The following ADGRG6 variants were observed in gnomAD, a reference collection of about 807,000 sequenced individuals.
The protein encoded by ADGRG6 is G-protein coupled receptor 126.
In ADGRG6, 84 loss-of-function variants were observed where a neutral mutation model predicts 142.4. The observed-to-expected ratio is 0.59, with a 90% CI of 0.49 to 0.71. The LOEUF is 0.71. Ranked by LOEUF, ADGRG6 falls within the 30% of genes least tolerant of loss-of-function variation. The pLI is 0.00. For missense variants in ADGRG6, 1,367 were observed against 1,466.6 expected (o/e 0.93, Z 1.11); for synonymous variants, 521 against 520.5 (o/e 1.00, Z -0.01).
intron 7 of ADGRG6, among the ~76,000 whole-genome samples, chr6:142,390,968 G>A (rs1188406730): frequency 1.3e-5 from 2 of 151,172 alleles, no homozygotes; most frequent in Non-Finnish European, 3.0e-5. Context: ...AGAACTACAT[G>A]TTTTTTTTGT....
chr6:142,424,998 T>C (rs2115126596), intron 22 of ADGRG6, among the ~76,000 whole-genome samples: 1 of 152,220 alleles, frequency 6.6e-6, no homozygotes, highest in African/African-American at 2.4e-5. Context: ...TGCAAAAAAT[T>C]TGCTATAGTT....
At chr6:142,314,041 G>T (rs1257270380) in intron 2 of ADGRG6, among the ~76,000 whole-genome samples, 5 of 152,294 alleles carry the variant, frequency 3.3e-5, no homozygotes, top group Middle Eastern at 3.4e-3. Context: ...ACTGTCTGAA[G>T]CTTTCAGCTA....
At chr6:142,422,298 A>G (rs993127374) in intron 22 of ADGRG6, among the ~76,000 whole-genome samples, 3 of 152,056 alleles carry the variant, frequency 2.0e-5, no homozygotes, top group South Asian at 2.1e-4. Context: ...ATATCTCCCA[A>G]TGCTATCCCT....
At chr6:142,408,094 A>G in intron 15 of ADGRG6, 56 bp from the exon 16 acceptor site, 1 of 1,373,172 alleles carries the variant, frequency 7.3e-7, no homozygotes, top group Non-Finnish European at 9.9e-7. Flanking sequence ...TGGAGCACCA[A>G]AGTAAAATAA....
intron 2 of ADGRG6, among the ~76,000 whole-genome samples, chr6:142,310,849 TATG>T (rs1316374063): frequency 3.3e-5 from 5 of 151,916 alleles, no homozygotes; most frequent in African/African-American, 1.2e-4. Flanking sequence ...AGATAGGTTT[TATG>T]ATGTACAGTG....
At chr6:142,410,838 A>G (rs897148426) in intron 17 of ADGRG6, among the ~76,000 whole-genome samples, 11 of 152,146 alleles carry the variant, frequency 7.2e-5, no homozygotes, top group Admixed American at 7.2e-4. Context: ...AGGTGGTTTC[A>G]AGCCATTTAC....
At chr6:142,416,443 A>T (rs1776362441) in intron 20 of ADGRG6, among the ~76,000 whole-genome samples, 1 of 152,176 alleles carries the variant, frequency 6.6e-6, no homozygotes, top group Non-Finnish European at 1.5e-5. Context: ...CCCCAGACAC[A>T]TGCCTATGTC....
intron 11 of ADGRG6, among the ~76,000 whole-genome samples, chr6:142,401,729 G>A (rs73780219): frequency 0.058 from 8,842 of 152,084 alleles, 356 homozygotes; most frequent in South Asian, 0.15. Flanking sequence ...GAAGAATGAG[G>A]TGGAGAAATG....
chr6:142,370,109 A>T, intron 3 of ADGRG6, 61 bp from the exon 4 acceptor site: 1 of 1,424,704 alleles, frequency 7.0e-7, no homozygotes. Flanking sequence ...GATGTTTTGC[A>T]TCACATTAGT....
chr6:142,367,802 G>A lies in ADGRG6; in HGVS notation c.337G>A (p.Ala113Thr). ...AGAGAGCCAGACTAAATTTTGTGGA[G>A]CAACTGCCAAAGGCCTATCATTTAA... is the stretch of plus-strand genomic sequence containing the variant. ...NGESQTKFCG[A>T]TAKGLSFNSS... Residue 113 changes from alanine to threonine, a missense_variant, in exon 3 of 25, where the codon GCA (alanine) becomes ACA (threonine). This residue lies in a region of ADGRG6 where 737 missense variants were observed against 746.5 expected (regional missense o/e 0.99). Transcript: ENST00000367609. The A allele has an allele frequency of 6.2e-7, 1 of 1,613,584 alleles. No homozygotes were observed. The highest frequency in any genetic ancestry group is 2.2e-5 in the East Asian group (1 of 44,882).
At chr6:142,440,279 ATTATT>A (rs1176266292) in intron 24 of ADGRG6, among the ~76,000 whole-genome samples, 2 of 151,962 alleles carry the variant, frequency 1.3e-5, no homozygotes, top group African/African-American at 2.4e-5. Context: ...TATTTCATCT[ATTATT>A]TTATTTTATT....
intron 2 of ADGRG6, among the ~76,000 whole-genome samples, chr6:142,354,660 AT>A (rs1337473734): frequency 6.6e-6 from 1 of 152,248 alleles, no homozygotes; most frequent in Non-Finnish European, 1.5e-5. Flanking sequence ...TCTGTAAAAC[AT>A]TGTAAAATGA....
intron 4 of ADGRG6, among the ~76,000 whole-genome samples, chr6:142,376,353 A>G (rs926382706): frequency 6.6e-6 from 1 of 152,218 alleles, no homozygotes; most frequent in Non-Finnish European, 1.5e-5. Context: ...AAGTTCAAAC[A>G]AATTACATTT....
intron 2 of ADGRG6, among the ~76,000 whole-genome samples, chr6:142,338,013 C>CTTTTTTTTTTTT (rs1779405902): frequency 3.8e-4 from 10 of 26,038 alleles, no homozygotes; most frequent in Non-Finnish European, 5.5e-4. Flanking sequence ...TGCCTTGTAT[C>CTTTTTTTTTTTT]TTTGTTTTTT....
intron 6 of ADGRG6, among the ~76,000 whole-genome samples, chr6:142,387,020 C>G (rs1195480226): frequency 2.6e-5 from 4 of 152,184 alleles, no homozygotes; most frequent in South Asian, 4.1e-4. Flanking sequence ...GAGTCGTCTC[C>G]TCATCAACTT....
At chr6:142,319,498 A>T (rs988256590) in intron 2 of ADGRG6, among the ~76,000 whole-genome samples, 2 of 152,134 alleles carry the variant, frequency 1.3e-5, no homozygotes, top group African/African-American at 4.8e-5. Flanking sequence ...TCTTTTTTAC[A>T]TGAAGTTTTT....
In ADGRG6 at chr6:142,408,227, G is replaced by T; in HGVS notation, c.2346G>T (p.Leu782=). The change falls in exon 16 of 25, where the codon CTG becomes CTT. Residue 782 remains leucine (L), a synonymous_variant. Transcript: ENST00000367609. ...TTGGAAACATTACTATCCAGAATCT[G>T]AAGGATCCTGTTCAAATAAAAATCA... The part of the protein sequence containing the change: ...CSIGNITIQN[L]KDPVQIKIKH... 1 of 1,581,134 alleles carries T rather than the reference G, an allele frequency of 6.3e-7. No individual in the cohort carries two copies. Among genetic ancestry groups the T allele is most frequent in the Non-Finnish European group, 8.6e-7 (1 of 1,160,248 alleles).
At position 142,402,033 on chromosome 6, in the gene ADGRG6, A is replaced by G. The variant is rs768897834; in HGVS notation, c.1719A>G (p.Gly573=). The G allele has an allele frequency of 1.3e-6, 2 of 1,555,946 alleles. No individual in the cohort carries two copies. Among genetic ancestry groups the G allele is most frequent in the Non-Finnish European group, 1.8e-6 (2 of 1,134,308 alleles). The change falls in exon 12 of 25, where the codon GGA becomes GGG. Residue 573 remains glycine (G), a synonymous_variant. Coordinates refer to ENST00000367609, the MANE Select transcript of ADGRG6 (RefSeq NM_198569.3). Reference sequence around the variant, plus strand: ...CCAACCCATTGGTAACCTACTGGGGACCTGTTGATATCTCCAACTGTTTAA... The same window carrying G: ...CCAACCCATTGGTAACCTACTGGGGGCCTGTTGATATCTCCAACTGTTTAA... ...NATNPLVTYW[G]PVDISNCLKE...
intron 4 of ADGRG6, among the ~76,000 whole-genome samples, chr6:142,379,087 G>C (rs1315482195): frequency 6.6e-6 from 1 of 152,116 alleles, no homozygotes; most frequent in Non-Finnish European, 1.5e-5. Context: ...GCGTCTAGGT[G>C]TCACACAGGC....
Sources: allele counts gnomAD v4.1 joint callset (sites outside exome capture counted in the v4.1 genomes callset), GRCh38; gene constraint gnomAD v4.1.1; regional missense constraint gnomAD v4.1.1; transcripts MANE v1.5; gene names NCBI Gene and HGNC (gene_info 2026-07-23, HGNC 2026-07-21).